The following TBCD variants were observed in gnomAD, a reference collection of about 807,000 sequenced individuals.
The protein encoded by TBCD is tubulin folding cofactor D.
A neutral mutation model predicts 169.3 loss-of-function variants in TBCD; 105 were observed. That is an observed-to-expected ratio of 0.62 (90% confidence interval 0.53 to 0.73). The LOEUF (loss-of-function observed/expected upper bound fraction) is 0.73. TBCD is among the 30% of genes least tolerant of loss of function. The pLI is 0.00. For missense variants in TBCD, 1,444 were observed against 1,600.1 expected, an observed-to-expected ratio of 0.90 and a Z score of 1.66; for synonymous variants, 700 against 643.9, an observed-to-expected ratio of 1.09 and a Z score of -1.32.
intron 17 of TBCD, among the ~76,000 whole-genome samples, chr17:82,899,026 G>A (rs1398724694): frequency 3.9e-5 from 6 of 152,286 alleles, no homozygotes; most frequent in Non-Finnish European, 7.3e-5. Flanking sequence ...GCCCCTCGGG[G>A]AAGGTCGTAT....
At chr17:82,843,836 G>T (rs192006870) in intron 13 of TBCD, among the ~76,000 whole-genome samples, 1 of 152,064 alleles carries the variant, frequency 6.6e-6, no homozygotes, top group Non-Finnish European at 1.5e-5. Context: ...AGAGAGTTCC[G>T]TCACAGCAGT....
At position 82,903,387 on chromosome 17, in the gene TBCD, T is replaced by C. The variant is rs2060020277; in HGVS notation, c.1731-18T>C. 2 of 1,593,198 alleles carry C rather than the reference T, an allele frequency of 1.3e-6. No individual in the cohort carries two copies. The highest frequency in any genetic ancestry group is 2.7e-5 in the African/African-American group (2 of 74,780). Reference sequence around the variant, plus strand: ...TCATAAAATGAAGGCACTTACGACATTCTCTCCTCACTCTCAGGGTCATCC... The same window carrying C: ...TCATAAAATGAAGGCACTTACGACACTCTCTCCTCACTCTCAGGGTCATCC... On this transcript the variant is annotated intron_variant, in intron 18 of 38. Coordinates refer to ENST00000355528, the MANE Select transcript of TBCD (RefSeq NM_005993.5). The surrounding 1 kb of genome is among the most constrained non-coding windows in gnomAD (Gnocchi z 4.8).
intron 16 of TBCD, among the ~76,000 whole-genome samples, chr17:82,891,234 CG>C (rs2059116898): frequency 6.6e-6 from 1 of 152,206 alleles, no homozygotes; most frequent in Non-Finnish European, 1.5e-5. Context: ...TTACCTTTAT[CG>C]GGGCAGCTCA....
chr17:82,883,479 GGGGGCCGGGAGAGGCCTT>G (rs2058511982), intron 14 of TBCD, among the ~76,000 whole-genome samples: 1 of 152,268 alleles, frequency 6.6e-6, no homozygotes, highest in Non-Finnish European at 1.5e-5. Context: ...GGAGCCTGGT[GGGGGCCGGGAGAGGCCTT>G]GCTCTGAGTG....
chr17:82,879,117 A>T (rs1203178834), intron 14 of TBCD, among the ~76,000 whole-genome samples: 4 of 128,836 alleles, frequency 3.1e-5, no homozygotes, highest in Non-Finnish European at 6.3e-5. Flanking sequence ...TTCTGGCACC[A>T]CAAGATGCAC....
At chr17:82,927,781 C>T in intron 29 of TBCD, 124 bp from the exon 30 acceptor site, 1 of 789,684 alleles carries the variant, frequency 1.3e-6, no homozygotes, top group East Asian at 2.7e-5. Context: ...TGGCAGCGTG[C>T]CTGGGCTCTG....
At chr17:82,827,869 C>G (rs2053020371) in intron 13 of TBCD, among the ~76,000 whole-genome samples, 1 of 122,926 alleles carries the variant, frequency 8.1e-6, no homozygotes, top group African/African-American at 3.1e-5. Context: ...ACACACCCCC[C>G]CACAGGCACA....
At chr17:82,934,950 C>A (rs1049189932) in intron 34 of TBCD, among the ~76,000 whole-genome samples, 4 of 152,134 alleles carry the variant, frequency 2.6e-5, no homozygotes, top group African/African-American at 7.2e-5. Flanking sequence ...AATACAAAAA[C>A]ATTAGCCGGG....
At chr17:82,811,906 C>T (rs1332746171) in intron 12 of TBCD, among the ~76,000 whole-genome samples, 1 of 152,124 alleles carries the variant, frequency 6.6e-6, no homozygotes, top group Non-Finnish European at 1.5e-5. Flanking sequence ...GTAAGAACAC[C>T]CAGCACCCAG....
At chr17:82,766,799 A>C (rs1179351427) in intron 4 of TBCD, among the ~76,000 whole-genome samples, 2 of 152,198 alleles carry the variant, frequency 1.3e-5, no homozygotes, top group African/African-American at 4.8e-5. Flanking sequence ...GAAAAGGCAC[A>C]TGGGTGGGGT....
At chr17:82,919,652 C>T (rs527691901) in intron 23 of TBCD, among the ~76,000 whole-genome samples, 10 of 152,032 alleles carry the variant, frequency 6.6e-5, no homozygotes, top group Non-Finnish European at 1.2e-4. Flanking sequence ...ATCGAGAGGA[C>T]CGTTTTCCTC....
intron 13 of TBCD, among the ~76,000 whole-genome samples, chr17:82,861,292 G>T (rs184650871): frequency 6.6e-6 from 1 of 152,244 alleles, no homozygotes; most frequent in East Asian, 1.9e-4. Flanking sequence ...GTCCCCGTGA[G>T]TCTGGGCCGT....
At chr17:82,814,796 A>G in intron 12 of TBCD, 44 bp from the exon 13 acceptor site, 3 of 1,603,134 alleles carry the variant, frequency 1.9e-6, no homozygotes, top group Non-Finnish European at 2.6e-6. Flanking sequence ...TTGAACCAAA[A>G]GCTGACACGT....
At position 82,884,190 on chromosome 17, in the gene TBCD, A is replaced by C; in HGVS notation, c.1521A>C (p.Arg507Ser). 1.2e-6 allele frequency: 2 copies of C among 1,610,102 alleles called. No individual in the cohort carries two copies. The highest frequency in any genetic ancestry group is 1.7e-6 in the Non-Finnish European group (2 of 1,177,954). Reference protein sequence around the residue: ...AAVFDRDINCRRAASAAFQEN... With the variant: ...AAVFDRDINCSRAASAAFQEN... Reference sequence around the variant, plus strand: ...TGTTTGACCGAGACATAAACTGCAGAAGAGCAGCCTCTGTAAGTTTTCTCA... The same window carrying C: ...TGTTTGACCGAGACATAAACTGCAGCAGAGCAGCCTCTGTAAGTTTTCTCA... The change falls in exon 15 of 39, where the codon AGA becomes AGC. Residue 507 changes from arginine to serine, a missense_variant. Coordinates refer to ENST00000355528, the MANE Select transcript of TBCD (RefSeq NM_005993.5). This position sits in a 1 kb window ranked among gnomAD's most constrained non-coding sequence, Gnocchi z 4.2.
At chr17:82,785,890 C>T (rs553417525) in intron 7 of TBCD, among the ~76,000 whole-genome samples, 2 of 151,450 alleles carry the variant, frequency 1.3e-5, no homozygotes, top group East Asian at 4.0e-4. Flanking sequence ...CCACTGGACC[C>T]GACCCATCGC....
rs1325648888 is a variant in TBCD, at chr17:82,831,989, C to T, written c.1318+17055C>T. On this transcript the variant is annotated intron_variant, in intron 13 of 38. Transcript: ENST00000355528. The surrounding 1 kb of genome is among the most constrained non-coding windows in gnomAD (Gnocchi z 4.6). The stretch of plus-strand genomic sequence containing the variant: ...GGAACAAATGCAGAAGGCCGAGCTG[C>T]GCCTTCCAGAGCAGGCTGGGCACCG... 23 of 1,613,030 alleles carry T rather than the reference C, an allele frequency of 1.4e-5. No individual in the cohort carries two copies. The highest frequency in any genetic ancestry group is 3.3e-5 in the Admixed American group (2 of 59,996).
chr17:82,760,884 G>A (rs2047717882), intron 2 of TBCD, among the ~76,000 whole-genome samples: 1 of 152,112 alleles, frequency 6.6e-6, no homozygotes, highest in African/African-American at 2.4e-5. Flanking sequence ...GAGGTCTTTT[G>A]GCACTGGCTT....
At chr17:82,858,598 C>T (rs868591411) in intron 13 of TBCD, 8 of 985,360 alleles carry the variant, frequency 8.1e-6, no homozygotes, top group African/African-American at 1.7e-5. Flanking sequence ...GCTGTGTGGA[C>T]GGCCTGGTTC....
intron 3 of TBCD, among the ~76,000 whole-genome samples, chr17:82,764,450 G>A (rs1444572304): frequency 6.6e-6 from 1 of 152,160 alleles, no homozygotes; most frequent in African/African-American, 2.4e-5. Flanking sequence ...TTCGAGATGA[G>A]CCTGGCCAAC....
Sources: gnomAD v4.1 joint callset for allele counts (sites outside exome capture counted in the v4.1 genomes callset) on GRCh38, gnomAD v4.1.1 for gene constraint, Gnocchi (gnomAD v3.1) non-coding constraint, MANE v1.5 for transcripts, NCBI Gene and HGNC (gene_info 2026-07-23, HGNC 2026-07-21) for gene names.